EML4: variants seen among roughly 807,000 people sequenced by gnomAD.
The protein encoded by EML4 is echinoderm microtubule-associated protein-like 4.
Under a neutral mutation model 129.0 loss-of-function variants are expected in EML4, and 72 were observed. That is an observed-to-expected ratio of 0.56 (90% CI 0.46 to 0.68). The LOEUF (loss-of-function observed/expected upper bound fraction) is 0.68, where lower values mean the gene tolerates loss of function less well. Ranked by LOEUF, EML4 falls within the 30% of genes least tolerant of loss-of-function variation. The probability of loss-of-function intolerance (pLI) is 0.00; values close to 1 mark genes in which losing one functional copy is unlikely to be tolerated. For synonymous variants in EML4, 532 were observed against 405.0 expected (o/e 1.31, Z -3.77); for missense variants, 1,363 against 1,190.6 (o/e 1.14, Z -2.13).
chr2:42,245,124 T>C (rs1489248721), intron 1 of EML4, among the ~76,000 whole-genome samples: 21 of 111,182 alleles, frequency 1.9e-4, no homozygotes, highest in Middle Eastern at 9.5e-3. Context: ...AGACAGACTC[T>C]TGCTCTGTTG....
chr2:42,263,724 ACT>A (rs1488291286), intron 5 of EML4, among the ~76,000 whole-genome samples: 1 of 130,018 alleles, frequency 7.7e-6, no homozygotes, highest in African/African-American at 2.9e-5. Context: ...CTTTTTAAAA[ACT>A]CTGTATTATA....
chr2:42,219,430 A>G (rs1673416122), intron 1 of EML4, among the ~76,000 whole-genome samples: 1 of 152,174 alleles, frequency 6.6e-6, no homozygotes, highest in African/African-American at 2.4e-5. Flanking sequence ...TGTCTGAGGG[A>G]TGACTGTAGA....
intron 1 of EML4, among the ~76,000 whole-genome samples, chr2:42,227,608 A>G (rs954997794): frequency 2.6e-5 from 4 of 152,122 alleles, no homozygotes; most frequent in African/African-American, 7.2e-5. Flanking sequence ...CTTGAACAAC[A>G]CAGGTTTGAA....
At chr2:42,281,397 GAA>G (rs60523483) in intron 7 of EML4, among the ~76,000 whole-genome samples, 5 of 112,078 alleles carry the variant, frequency 4.5e-5, no homozygotes, top group South Asian at 2.5e-4. Context: ...TGTCTCAAAA[GAA>G]AAAAAAAAAA....
intron 3 of EML4, among the ~76,000 whole-genome samples, chr2:42,260,032 T>A (rs1665626107): frequency 7.1e-6 from 1 of 141,032 alleles, no homozygotes; most frequent in Non-Finnish European, 1.6e-5. Context: ...GCCTGGCCAA[T>A]TTTTTTTTTT....
chr2:42,210,879 T>G (rs1672849092), intron 1 of EML4, among the ~76,000 whole-genome samples: 1 of 152,202 alleles, frequency 6.6e-6, no homozygotes, highest in Admixed American at 6.5e-5. Context: ...AAGATTAATT[T>G]TATACCACTC....
intron 1 of EML4, 117 bp downstream of exon 1, chr2:42,169,753 C>T (rs913915684): frequency 1.7e-6 from 2 of 1,187,314 alleles, no homozygotes; most frequent in African/African-American, 1.6e-5. Flanking sequence ...GGCTCCACTG[C>T]ACATGTTCCC....
At chr2:42,293,766 C>T (rs183496107) in intron 11 of EML4, among the ~76,000 whole-genome samples, 6 of 152,092 alleles carry the variant, frequency 3.9e-5, no homozygotes, top group Non-Finnish European at 7.4e-5. Context: ...CCCACCACCA[C>T]GCCCAGCTAC....
At chr2:42,325,212 C>G (rs1669723513) in intron 19 of EML4, 1 of 562,668 alleles carries the variant, frequency 1.8e-6, no homozygotes, top group Non-Finnish European at 3.5e-6. Flanking sequence ...GTTTAAGAGA[C>G]TGTCTTTCTT....
intron 1 of EML4, among the ~76,000 whole-genome samples, chr2:42,198,946 G>A (rs1344771212): frequency 6.6e-6 from 1 of 152,220 alleles, no homozygotes; most frequent in Non-Finnish European, 1.5e-5. Flanking sequence ...ACAAAGGAGA[G>A]TGGTTTGGGA....
intron 10 of EML4, 84 bp downstream of exon 10, chr2:42,286,463 A>G (rs1397240133): frequency 2.5e-6 from 2 of 814,374 alleles, no homozygotes; most frequent in South Asian, 1.4e-5. Flanking sequence ...TTATGTGGCC[A>G]TGAAGTGATA....
chr2:42,236,813 G>T (rs1276420674), intron 1 of EML4, among the ~76,000 whole-genome samples: 1 of 152,026 alleles, frequency 6.6e-6, no homozygotes, highest in East Asian at 1.9e-4. Context: ...ATATCTTTGG[G>T]AACACTGTAT....
chr2:42,252,648 C>A (rs1245655597), intron 2 of EML4, among the ~76,000 whole-genome samples: 1 of 152,146 alleles, frequency 6.6e-6, no homozygotes, highest in African/African-American at 2.4e-5. Flanking sequence ...GTCTCCCCAC[C>A]ACCACCCACT....
intron 2 of EML4, among the ~76,000 whole-genome samples, chr2:42,251,197 C>G (rs940291565): frequency 6.6e-6 from 1 of 152,194 alleles, no homozygotes; most frequent in Non-Finnish European, 1.5e-5. Flanking sequence ...TAGTCTGTTG[C>G]TCCTAGGTTA....
chr2:42,186,193 T>A (rs1370830697), intron 1 of EML4, among the ~76,000 whole-genome samples: 1 of 152,212 alleles, frequency 6.6e-6, no homozygotes, highest in African/African-American at 2.4e-5. Flanking sequence ...AAATAGCTTA[T>A]AATTGCCACA....
At chr2:42,277,937 CT>C (rs1666750692) in intron 6 of EML4, among the ~76,000 whole-genome samples, 1 of 152,186 alleles carries the variant, frequency 6.6e-6, no homozygotes, top group Admixed American at 6.5e-5. Context: ...TTTCCTTCCT[CT>C]TCATGGTTTG....
intron 1 of EML4, among the ~76,000 whole-genome samples, chr2:42,192,546 T>C (rs1296998559): frequency 6.6e-6 from 1 of 152,130 alleles, no homozygotes; most frequent in Non-Finnish European, 1.5e-5. Flanking sequence ...AGCCTACTGT[T>C]TTCTTTTTAA....
intron 17 of EML4, among the ~76,000 whole-genome samples, chr2:42,304,768 C>T (rs1391997668): frequency 1.3e-5 from 2 of 152,134 alleles, no homozygotes; most frequent in Non-Finnish European, 2.9e-5. Context: ...CAGAATACAT[C>T]AGAAAACAAA....
chr2:42,292,555 A>G (rs1255398235), intron 11 of EML4, among the ~76,000 whole-genome samples: 2 of 152,214 alleles, frequency 1.3e-5, no homozygotes, highest in Non-Finnish European at 2.9e-5. Flanking sequence ...TTTGAATGAA[A>G]CGGAGAAAAA....
Sources: gnomAD v4.1 joint callset for allele counts (sites outside exome capture counted in the v4.1 genomes callset) on GRCh38, gnomAD v4.1.1 for gene constraint, MANE v1.5 for transcripts, NCBI Gene and HGNC (gene_info 2026-07-23, HGNC 2026-07-21) for gene names.